Variants in DYM observed in about 807,000 individuals in gnomAD.
DYM encodes the protein dyggve-Melchior-Clausen syndrome protein.
DYM carries 78 observed loss-of-function variants against 93.1 expected under a neutral mutation model. The ratio of observed to expected loss-of-function variants is 0.84; its 90% confidence interval spans 0.70 to 1.01. DYM has a LOEUF of 1.01. DYM is among the 50% of genes least tolerant of loss of function. DYM has a pLI of 0.00. For synonymous variants in DYM, 321 were observed against 319.7 expected, an observed-to-expected ratio of 1.00 and a Z score of -0.04; for missense variants, 789 against 845.0, an observed-to-expected ratio of 0.93 and a Z score of 0.82.
At chr18:49,054,309 T>G (rs1255922795) in intron 17 of DYM, among the ~76,000 whole-genome samples, 1 of 152,190 alleles carries the variant, frequency 6.6e-6, no homozygotes, top group Non-Finnish European at 1.5e-5. Context: ...TGGTGCGATC[T>G]CGGCTCACTG....
chr18:49,142,202 T>C (rs2084590350), intron 15 of DYM, among the ~76,000 whole-genome samples: 1 of 152,108 alleles, frequency 6.6e-6, no homozygotes, highest in Admixed American at 6.6e-5. Context: ...TTTCCTTGTA[T>C]TTATTCCATA....
At chr18:49,433,571 T>A (rs963204789) in intron 1 of DYM, among the ~76,000 whole-genome samples, 1 of 152,094 alleles carries the variant, frequency 6.6e-6, no homozygotes, top group Non-Finnish European at 1.5e-5. Flanking sequence ...ACAGTAAAAA[T>A]TTATTAGTTA....
intron 17 of DYM, among the ~76,000 whole-genome samples, chr18:49,069,299 A>G (rs930104591): frequency 6.6e-6 from 1 of 152,262 alleles, no homozygotes; most frequent in African/African-American, 2.4e-5. Flanking sequence ...CCTGCTAAAG[A>G]AAATCATTCA....
chr18:49,360,653 C>T (rs2065942950), intron 6 of DYM, among the ~76,000 whole-genome samples: 2 of 151,748 alleles, frequency 1.3e-5, no homozygotes, highest in African/African-American at 4.8e-5. Flanking sequence ...GCAGGTGGTG[C>T]TACTTTTAAA....
At chr18:49,441,730 G>A (rs1024094700) in intron 1 of DYM, among the ~76,000 whole-genome samples, 3 of 152,030 alleles carry the variant, frequency 2.0e-5, no homozygotes, top group African/African-American at 7.2e-5. Context: ...TGCCAAGGGG[G>A]ACACCAACAA....
intron 15 of DYM, among the ~76,000 whole-genome samples, chr18:49,162,614 T>C (rs1226853017): frequency 6.6e-6 from 1 of 152,234 alleles, no homozygotes; most frequent in Non-Finnish European, 1.5e-5. Context: ...ACATGAGTTT[T>C]GGATGGCACA....
intron 8 of DYM, among the ~76,000 whole-genome samples, chr18:49,297,269 G>A (rs2060622619): frequency 6.6e-6 from 1 of 152,122 alleles, no homozygotes; most frequent in Non-Finnish European, 1.5e-5. Context: ...TCATAAAAAT[G>A]AACAAACTAT....
At chr18:49,128,454 T>A (rs2083046641) in intron 15 of DYM, among the ~76,000 whole-genome samples, 1 of 152,232 alleles carries the variant, frequency 6.6e-6, no homozygotes, top group South Asian at 2.1e-4. Flanking sequence ...AGCAATACTT[T>A]AGGAAGATGT....
intron 5 of DYM, among the ~76,000 whole-genome samples, chr18:49,366,422 A>G (rs1211901080): frequency 6.6e-6 from 1 of 152,240 alleles, no homozygotes; most frequent in Non-Finnish European, 1.5e-5. Flanking sequence ...AGGTCTTTGC[A>G]AAGATTCAGT....
chr18:49,104,427 T>C (rs1051553040), intron 16 of DYM, among the ~76,000 whole-genome samples: 10 of 152,210 alleles, frequency 6.6e-5, no homozygotes, highest in Non-Finnish European at 1.3e-4. Context: ...CTGATTGCCC[T>C]GGCCTGAACT....
intron 8 of DYM, among the ~76,000 whole-genome samples, chr18:49,330,233 T>C (rs2063212475): frequency 6.6e-6 from 1 of 152,230 alleles, no homozygotes. Context: ...TGTGACTATA[T>C]AGCACACTAA....
intron 3 of DYM, among the ~76,000 whole-genome samples, chr18:49,389,159 A>T (rs944146080): frequency 1.3e-5 from 2 of 152,230 alleles, no homozygotes; most frequent in African/African-American, 4.8e-5. Flanking sequence ...GTTTAATATG[A>T]GATGATTTTT....
At chr18:49,049,538 TCA>T (rs1466331071) in intron 17 of DYM, 4 of 152,202 alleles carry the variant, frequency 2.6e-5, no homozygotes, top group Non-Finnish European at 5.9e-5. Context: ...CCTTCCTACT[TCA>T]CAGAGTTGTA....
At chr18:49,395,278 CA>C (rs201097965) in intron 2 of DYM, among the ~76,000 whole-genome samples, 47 of 145,666 alleles carry the variant, frequency 3.2e-4, no homozygotes, top group Admixed American at 8.2e-4. Context: ...AACTCAATGG[CA>C]AAAAAAAAAA....
intron 15 of DYM, among the ~76,000 whole-genome samples, chr18:49,137,941 TA>T (rs1169499081): frequency 1.3e-5 from 2 of 152,174 alleles, no homozygotes; most frequent in African/African-American, 4.8e-5. Context: ...AAAATAGTTC[TA>T]AAAACCCCTT....
intron 10 of DYM, among the ~76,000 whole-genome samples, chr18:49,275,718 A>G (rs2094833341): frequency 6.6e-6 from 1 of 151,766 alleles, no homozygotes; most frequent in African/African-American, 2.4e-5. Flanking sequence ...CTCTATCTCT[A>G]TTTTTTTTAT....
At chr18:49,134,595 G>C (rs1237823008) in intron 15 of DYM, among the ~76,000 whole-genome samples, 1 of 152,140 alleles carries the variant, frequency 6.6e-6, no homozygotes, top group Non-Finnish European at 1.5e-5. Context: ...TGACAAAACA[G>C]ATCCTCAGTT....
intron 5 of DYM, among the ~76,000 whole-genome samples, chr18:49,375,488 A>G (rs1409866234): frequency 6.6e-6 from 1 of 152,130 alleles, no homozygotes; most frequent in East Asian, 1.9e-4. Flanking sequence ...TACTAACTCA[A>G]AACTGGACAA....
At chr18:49,368,301 G>A (rs2066695149) in intron 5 of DYM, among the ~76,000 whole-genome samples, 2 of 152,184 alleles carry the variant, frequency 1.3e-5, no homozygotes, top group Admixed American at 1.3e-4. Context: ...GAAAGAAAGG[G>A]AGAGAAGAGA....
Sources: allele counts gnomAD v4.1 joint callset (sites outside exome capture counted in the v4.1 genomes callset), GRCh38; gene constraint gnomAD v4.1.1; transcripts MANE v1.5; gene names NCBI Gene and HGNC (gene_info 2026-07-23, HGNC 2026-07-21).